The following DDC variants were observed in gnomAD, a reference collection of about 807,000 sequenced individuals.
DDC encodes dopa decarboxylase, also known as aromatic-L-amino-acid decarboxylase.
In DDC, 43 loss-of-function variants were observed where a neutral mutation model predicts 60.0. The observed-to-expected ratio is 0.72, with a 90% confidence interval of 0.56 to 0.92. The LOEUF is 0.92. DDC is among the 40% of genes least tolerant of loss of function. The pLI is 0.00. For synonymous variants in DDC, 232 were observed against 234.6 expected (o/e 0.99, Z 0.10); for missense variants, 573 against 620.2 (o/e 0.92, Z 0.81).
chr7:50,482,822 A>G (rs2042798891), intron 9 of DDC, among the ~76,000 whole-genome samples: 1 of 152,232 alleles, frequency 6.6e-6, no homozygotes, highest in Admixed American at 6.5e-5. Flanking sequence ...TGTAAAAATT[A>G]CACATACTGT....
chr7:50,559,618 C>T (rs760788807), intron 1 of DDC, among the ~76,000 whole-genome samples: 2 of 152,084 alleles, frequency 1.3e-5, no homozygotes, highest in South Asian at 2.1e-4. Context: ...AGTAGAGATA[C>T]GGTTCCACCA....
chr7:50,479,182 C>A (rs1398766570), intron 10 of DDC, among the ~76,000 whole-genome samples: 1 of 152,198 alleles, frequency 6.6e-6, no homozygotes, highest in African/African-American at 2.4e-5. Flanking sequence ...CCTGTGTCCC[C>A]TGATGCCACT....
At chr7:50,529,847 A>C (rs1024818350) in intron 4 of DDC, among the ~76,000 whole-genome samples, 1 of 152,180 alleles carries the variant, frequency 6.6e-6, no homozygotes, top group Non-Finnish European at 1.5e-5. Flanking sequence ...TTGTGTCCCC[A>C]AAAATTCATG....
intron 6 of DDC, among the ~76,000 whole-genome samples, chr7:50,511,085 A>ACAC (rs1491189829): frequency 6.7e-6 from 1 of 149,526 alleles, no homozygotes; most frequent in Non-Finnish European, 1.5e-5. Context: ...ACACACACAC[A>ACAC]AAATAATATA....
At chr7:50,506,678 C>T (rs2043407532) in intron 6 of DDC, among the ~76,000 whole-genome samples, 1 of 152,222 alleles carries the variant, frequency 6.6e-6, no homozygotes, top group East Asian at 1.9e-4. Context: ...GTATGTGGGG[C>T]ACAGAGACCT....
At chr7:50,484,146 T>C (rs2042830825) in intron 9 of DDC, among the ~76,000 whole-genome samples, 1 of 152,210 alleles carries the variant, frequency 6.6e-6, no homozygotes, top group Non-Finnish European at 1.5e-5. Flanking sequence ...GCCATTGTAT[T>C]TTCTACTACA....
At chr7:50,494,725 G>A (rs968454009) in intron 9 of DDC, among the ~76,000 whole-genome samples, 2 of 151,728 alleles carry the variant, frequency 1.3e-5, no homozygotes, top group African/African-American at 4.8e-5. Flanking sequence ...GCAGTGGCAT[G>A]ATCTCGGCTC....
At chr7:50,487,602 ATGTG>A (rs2042913652) in intron 9 of DDC, among the ~76,000 whole-genome samples, 1 of 151,918 alleles carries the variant, frequency 6.6e-6, no homozygotes, top group Admixed American at 6.6e-5. Flanking sequence ...ATGACTGTTT[ATGTG>A]TGCTTAGGTG....
intron 1 of DDC, among the ~76,000 whole-genome samples, chr7:50,563,504 T>C (rs1165020575): frequency 6.6e-6 from 1 of 152,226 alleles, no homozygotes; most frequent in Non-Finnish European, 1.5e-5. Context: ...TTTCTCTCCA[T>C]AGTTGAACCA....
intron 6 of DDC, among the ~76,000 whole-genome samples, chr7:50,507,583 T>C (rs2043436772): frequency 6.6e-6 from 1 of 152,214 alleles, no homozygotes; most frequent in Non-Finnish European, 1.5e-5. Flanking sequence ...TAAAATTATT[T>C]TCTCTCTATT....
chr7:50,495,332 G>T lies in DDC; in HGVS notation c.944+18C>A, dbSNP rs2043104414. The T allele has an allele frequency of 2.5e-6, 4 of 1,601,980 alleles. No individual in the cohort carries two copies. In the East Asian group the frequency reaches 6.7e-5, roughly 27 times the overall value. ...CACCTCGGACAGGCAACTGACATCT[G>T]TGAGCAGGGAAACTTACCACATGGC... On this transcript the variant is annotated intron_variant, in intron 9 of 14. Transcript: ENST00000444124.
intron 9 of DDC, among the ~76,000 whole-genome samples, chr7:50,490,118 G>A (rs2042968555): frequency 6.6e-6 from 1 of 152,178 alleles, no homozygotes; most frequent in South Asian, 2.1e-4. Context: ...TTTTACCAAG[G>A]CTTTGATTGG....
chr7:50,488,282 AT>A lies in DDC; in HGVS notation c.944+7067del, dbSNP rs1175692724. On this transcript the variant is annotated intron_variant, in intron 9 of 14. Coordinates refer to ENST00000444124, the MANE Select transcript of DDC (RefSeq NM_001082971.2). ...TGGGTCATTTCCAATTTAAAAAAAA[AT>A]ATAGGAAAATGTTTTTCTGAAAAAC... 1.2e-3 allele frequency among the ~76,000 whole-genome samples: 187 copies of A among 152,078 alleles called. 3 individuals carry two copies. The highest frequency in any genetic ancestry group is 2.8e-4 in the Non-Finnish European group (19 of 67,904).
chr7:50,514,953 G>A (rs924063437), intron 6 of DDC, among the ~76,000 whole-genome samples: 5 of 152,150 alleles, frequency 3.3e-5, no homozygotes, highest in South Asian at 2.1e-4. Flanking sequence ...CAGTGTTCCC[G>A]AGGAAGAAGA....
chr7:50,460,468 G>A (rs2042247134), intron 14 of DDC, among the ~76,000 whole-genome samples: 1 of 151,344 alleles, frequency 6.6e-6, no homozygotes, highest in Admixed American at 6.6e-5. Flanking sequence ...CGGTCCAGGA[G>A]GTGAGGGGCG....
At chr7:50,548,060 T>C (rs1012661857) in intron 1 of DDC, among the ~76,000 whole-genome samples, 6 of 152,218 alleles carry the variant, frequency 3.9e-5, no homozygotes, top group African/African-American at 1.4e-4. Flanking sequence ...GATGTTACTA[T>C]TGTAATTGTT....
In DDC at chr7:50,458,778, G is replaced by C. The variant is rs1049191936; in HGVS notation, c.*84C>G. 15 of 152,124 alleles carry C rather than the reference G, an allele frequency of 9.9e-5. No homozygotes were observed. Among genetic ancestry groups the C allele is most frequent in the African/African-American group, 3.6e-4 (15 of 41,446 alleles). 9.4% of individuals were successfully genotyped at this position (152,124 alleles called of 1,614,324 possible). ...GCCACAGACAGCTGAGTTCCATGAA[G>C]GCAGGATGATATTTATTTGCTTCTT... is the stretch of plus-strand genomic sequence containing the variant. On this transcript the variant is annotated 3_prime_UTR_variant, in exon 15 of 15. Coordinates refer to ENST00000444124, the MANE Select transcript of DDC (RefSeq NM_001082971.2).
chr7:50,463,766 T>G (rs1368390993), intron 13 of DDC, among the ~76,000 whole-genome samples: 1 of 152,224 alleles, frequency 6.6e-6, no homozygotes, highest in African/African-American at 2.4e-5. Flanking sequence ...AATTGGGGTT[T>G]CTGATGGCAC....
intron 14 of DDC, chr7:50,459,826 G>GT (rs1337145307): frequency 3.9e-5 from 6 of 152,210 alleles, no homozygotes; most frequent in African/African-American, 1.5e-4. Context: ...CGTCCGGGAG[G>GT]GAGGTGGGGG....
Sources: gnomAD v4.1 joint callset for allele counts (sites outside exome capture counted in the v4.1 genomes callset) on GRCh38, gnomAD v4.1.1 for gene constraint, MANE v1.5 for transcripts, NCBI Gene and HGNC (gene_info 2026-07-23, HGNC 2026-07-21) for gene names.